MIB1: variants seen among roughly 807,000 people sequenced by gnomAD.
MIB1 encodes the protein MIB E3 ubiquitin protein ligase 1, also known as E3 ubiquitin-protein ligase MIB1.
Under a neutral mutation model 124.5 loss-of-function variants are expected in MIB1, and 278 were observed. That is an observed-to-expected ratio of 2.23 (90% CI 2.02 to 2.47). The LOEUF is 2.47. Among genes scored for constraint, MIB1 ranks in the 30% most tolerant of loss-of-function variants. The pLI is 0.00. For missense variants in MIB1, 957 were observed against 1,254.4 expected (o/e 0.76, Z 3.58); for synonymous variants, 446 against 429.4 (o/e 1.04, Z -0.48).
chr18:21,741,562 G>T lies in MIB1; in HGVS notation c.-22G>T. On this transcript the variant is annotated 5_prime_UTR_variant, in exon 1 of 21. Coordinates refer to ENST00000261537, the MANE Select transcript of MIB1 (RefSeq NM_020774.4). The surrounding 1 kb of genome is among the most constrained non-coding windows in gnomAD (Gnocchi z 5.4). Reference sequence around the variant, plus strand: ...CGGCGGCGGCGGCGGCGGCAGCGGCGGAGCCCACCGCCCGGGCCCCGATGA... The same window carrying T: ...CGGCGGCGGCGGCGGCGGCAGCGGCTGAGCCCACCGCCCGGGCCCCGATGA... 1 of 1,349,322 alleles carries T rather than the reference G, an allele frequency of 7.4e-7. No homozygotes were observed. Among genetic ancestry groups the T allele is most frequent in the Non-Finnish European group, 9.5e-7 (1 of 1,051,278 alleles). The allele number at this position is 1,349,322 out of a possible 1,614,324, so 83.6% of individuals were successfully genotyped here.
rs1568208892 is a variant in MIB1, at chr18:21,804,034, ATT to A, written c.1479+23_1479+24del. 1 of 1,500,966 alleles carries A rather than the reference ATT, an allele frequency of 6.7e-7. No individual in the cohort carries two copies. Among genetic ancestry groups the A allele is most frequent in the Non-Finnish European group, 9.3e-7 (1 of 1,079,522 alleles). 93.0% of individuals were successfully genotyped at this position (1,500,966 alleles called of 1,614,324 possible). A position where few individuals can be genotyped will look rare whatever the true frequency, so the allele number is the denominator to read the frequency against. On this transcript the variant is annotated intron_variant, in intron 10 of 20. Coordinates refer to ENST00000261537, the MANE Select transcript of MIB1 (RefSeq NM_020774.4). ...GCAGAGGTAAGTAAACTTGAAAAAT[ATT>A]TTAAGTAAACATTTATTTCCTAGAA...
At chr18:21,728,139 C>G (rs529050164) in intron 1 of MIB1, among the ~76,000 whole-genome samples, 13 of 152,340 alleles carry the variant, frequency 8.5e-5, no homozygotes, top group African/African-American at 3.1e-4. Context: ...CCAACCGCTT[C>G]CCTGCCCTTG....
At position 21,835,801 on chromosome 18, in the gene MIB1, C is replaced by CCA. The variant is rs774725850; in HGVS notation, c.1830-2527_1830-2526dup. Among the ~76,000 whole-genome samples, 292 of 101,582 alleles carry CCA rather than the reference C, an allele frequency of 2.9e-3. 2 individuals carry two copies. The highest frequency in any genetic ancestry group is 0.01 in the African/African-American group (270 of 25,916). 66.6% of individuals were successfully genotyped at this position (101,582 alleles called of 152,430 possible). ...AAAAAAAAAATATATATATATATAT[C>CCA]CACACACACACACACACACACACAC... On this transcript the variant is annotated intron_variant, in intron 12 of 20. Transcript: ENST00000261537.
chr18:21,787,694 G>C (rs1317426044), intron 6 of MIB1, among the ~76,000 whole-genome samples: 1 of 151,758 alleles, frequency 6.6e-6, no homozygotes, highest in Non-Finnish European at 1.5e-5. Flanking sequence ...TCTGGCCCCA[G>C]GGATCATTTC....
intron 1 of MIB1, among the ~76,000 whole-genome samples, chr18:21,717,553 AAAAAC>A (rs2040694898): frequency 6.6e-6 from 1 of 152,224 alleles, no homozygotes; most frequent in South Asian, 2.1e-4. Context: ...TAGCAAGAAA[AAAAAC>A]AAACAATCCC....
At chr18:21,859,244 T>C (rs146393695) in intron 20 of MIB1, among the ~76,000 whole-genome samples, 36 of 152,088 alleles carry the variant, frequency 2.4e-4, no homozygotes, top group African/African-American at 8.0e-4. Flanking sequence ...ACCGCAACTC[T>C]ACAAATAAGA....
rs1568192302 is a variant in MIB1, at chr18:21,765,929, A to T, written c.387A>T (p.Thr129=). The change falls in exon 2 of 21, where the codon ACA becomes ACT. Residue 129 remains threonine (T), a synonymous_variant. Transcript: ENST00000261537. ...HLRHRFYRIT[T]PGSERVLLES... ...GACATCGCTTTTACCGAATTACTAC[A>T]CCGGGAAGTGAGAGGTAGGGAGAAC... is the stretch of plus-strand genomic sequence containing the variant. 6.2e-7 allele frequency: 1 copy of T among 1,613,898 alleles called. No homozygotes were observed. Among genetic ancestry groups the T allele is most frequent in the African/African-American group, 1.3e-5 (1 of 74,924 alleles).
intron 1 of MIB1, among the ~76,000 whole-genome samples, chr18:21,734,036 A>T (rs1165375053): frequency 6.6e-6 from 1 of 151,740 alleles, no homozygotes; most frequent in Non-Finnish European, 1.5e-5. Context: ...ATTAAGCATC[A>T]TCGATTTCAC....
chr18:21,704,936 G>T (rs543389887), upstream of MIB1: 14 of 289,044 alleles, frequency 4.8e-5, no homozygotes, highest in Non-Finnish European at 7.6e-5. Context: ...TTCCAAGACC[G>T]GCCACCGGGA....
At chr18:21,707,507 C>T (rs963045999) in intron 1 of MIB1, among the ~76,000 whole-genome samples, 13 of 152,178 alleles carry the variant, frequency 8.5e-5, no homozygotes, top group African/African-American at 2.7e-4. Flanking sequence ...CTTGCTGCTG[C>T]TCATTCTTTG....
At chr18:21,844,798 A>G (rs954447599) in intron 15 of MIB1, among the ~76,000 whole-genome samples, 4 of 151,848 alleles carry the variant, frequency 2.6e-5, no homozygotes, top group Non-Finnish European at 1.5e-5. Flanking sequence ...TTTAATTTGC[A>G]TTTTCCTAAT....
At position 21,868,831 on chromosome 18, in the gene MIB1, G is replaced by A. The variant is rs1037800174; in HGVS notation, c.*4165G>A. 1.3e-5 allele frequency: 2 copies of A among 152,346 alleles called. No individual in the cohort carries two copies. Among genetic ancestry groups the A allele is most frequent in the African/African-American group, 4.8e-5 (2 of 41,420 alleles). 9.4% of individuals were successfully genotyped at this position (152,346 alleles called of 1,614,324 possible). ...TGAGGAAACTTTAATGCTGTCTCGT[G>A]TACATTGCTTTACTACAGTGAGGGG... On this transcript the variant is annotated 3_prime_UTR_variant, in exon 21 of 21. Coordinates refer to ENST00000261537, the MANE Select transcript of MIB1 (RefSeq NM_020774.4).
At chr18:21,811,867 A>G (rs2041777702) in intron 10 of MIB1, among the ~76,000 whole-genome samples, 1 of 152,148 alleles carries the variant, frequency 6.6e-6, no homozygotes, top group South Asian at 2.1e-4. Context: ...AAAATGGTGA[A>G]GATGGTAAAC....
chr18:21,836,453 A>T (rs1223803785), intron 12 of MIB1, among the ~76,000 whole-genome samples: 1 of 152,174 alleles, frequency 6.6e-6, no homozygotes, highest in Non-Finnish European at 1.5e-5. Flanking sequence ...TACAAAACTT[A>T]TAATGAAAGA....
At chr18:21,791,194 AC>A (rs1023612530) in intron 6 of MIB1, 179 bp from the exon 7 acceptor site, 22 of 458,206 alleles carry the variant, frequency 4.8e-5, no homozygotes, top group Middle Eastern at 6.0e-4. Context: ...AAAAAAAAAA[AC>A]AAAACAGAAA....
chr18:21,812,430 A>T (rs2041784823), intron 10 of MIB1: 1 of 152,246 alleles, frequency 6.6e-6, no homozygotes, highest in Admixed American at 6.5e-5. Flanking sequence ...AGATTGGGAT[A>T]AGAAAGTGAA....
At position 21,835,642 on chromosome 18, in the gene MIB1, G is replaced by A. The variant is rs1174851840; in HGVS notation, c.1830-2723G>A. ...AAAAATTAGCCGGGCCTGGTGGTGG[G>A]CACCTGTAATCCCAGCTACTCGGGA... On this transcript the variant is annotated intron_variant, in intron 12 of 20. Coordinates refer to ENST00000261537, the MANE Select transcript of MIB1 (RefSeq NM_020774.4). Among the ~76,000 whole-genome samples the A allele has an allele frequency of 2.6e-5, 4 of 151,774 alleles. No individual in the cohort carries two copies. The East Asian group carries it at 5.8e-4, about 22-fold the overall frequency.
intron 1 of MIB1, among the ~76,000 whole-genome samples, chr18:21,764,649 A>G (rs1409458891): frequency 6.6e-6 from 1 of 152,166 alleles, no homozygotes; most frequent in African/African-American, 2.4e-5. Context: ...CCATGTACCC[A>G]TTACCCAACT....
At chr18:21,797,161 C>CA (rs902168186) in intron 7 of MIB1, among the ~76,000 whole-genome samples, 1 of 151,622 alleles carries the variant, frequency 6.6e-6, no homozygotes, top group African/African-American at 2.4e-5. Context: ...AATATGTTAT[C>CA]AAAAAAAGAG....
Sources: gnomAD v4.1 joint callset for allele counts (sites outside exome capture counted in the v4.1 genomes callset) on GRCh38, gnomAD v4.1.1 for gene constraint, Gnocchi (gnomAD v3.1) non-coding constraint, MANE v1.5 for transcripts, NCBI Gene and HGNC (gene_info 2026-07-23, HGNC 2026-07-21) for gene names.